Variants in EYA1 observed in about 807,000 individuals in gnomAD.
The protein encoded by EYA1 is protein phosphatase EYA1.
Under a neutral mutation model 82.0 loss-of-function variants are expected in EYA1, and 16 were observed. The ratio of observed to expected loss-of-function variants is 0.20; its 90% CI spans 0.13 to 0.30. The LOEUF is 0.30. Among genes scored for constraint, EYA1 ranks in the 10% least tolerant of loss-of-function variants. EYA1 has a pLI of 1.00. For synonymous variants in EYA1, 261 were observed against 264.4 expected, an observed-to-expected ratio of 0.99 and a Z score of 0.12; for missense variants, 633 against 730.7, an observed-to-expected ratio of 0.87 and a Z score of 1.54.
chr8:71,359,861 G>A (rs1301092626), intron 1 of EYA1, among the ~76,000 whole-genome samples: 1 of 152,062 alleles, frequency 6.6e-6, no homozygotes, highest in Non-Finnish European at 1.5e-5. Context: ...AAATTTGAAA[G>A]ACAATGGCAA....
At chr8:71,283,569 T>TG (rs1184340867) in intron 9 of EYA1, among the ~76,000 whole-genome samples, 3 of 152,110 alleles carry the variant, frequency 2.0e-5, no homozygotes, top group African/African-American at 7.2e-5. Context: ...GGAGCATCTC[T>TG]GGTTCACACA....
chr8:71,531,265 C>T (rs995215550), intron 2 of EYA1: 1 of 152,112 alleles, frequency 6.6e-6, no homozygotes, highest in South Asian at 2.1e-4. Flanking sequence ...ACTTGACCTA[C>T]AAAATTGTGA....
At chr8:71,542,711 C>A (rs1815243562) in intron 1 of EYA1, among the ~76,000 whole-genome samples, 1 of 152,178 alleles carries the variant, frequency 6.6e-6, no homozygotes, top group East Asian at 1.9e-4. Flanking sequence ...TTCTCTGCAA[C>A]CTCACCAGCA....
chr8:71,215,564 A>G (rs1184501341), intron 15 of EYA1, 50 bp downstream of exon 15: 1 of 1,610,204 alleles, frequency 6.2e-7, no homozygotes, highest in Non-Finnish European at 8.5e-7. Flanking sequence ...CAAAATGAAC[A>G]AGCACGAGCA....
chr8:71,338,836 T>A (rs1824798543), intron 3 of EYA1, among the ~76,000 whole-genome samples: 1 of 152,190 alleles, frequency 6.6e-6, no homozygotes, highest in Admixed American at 6.5e-5. Flanking sequence ...CTGCAGGCCC[T>A]CCCCAGCAGC....
At chr8:71,298,127 A>G (rs537902165) in intron 9 of EYA1, among the ~76,000 whole-genome samples, 1 of 152,276 alleles carries the variant, frequency 6.6e-6, no homozygotes, top group African/African-American at 2.4e-5. Flanking sequence ...ATTATACAGA[A>G]CTTTTTTTCA....
chr8:71,445,713 A>G (rs1358646070), intron 2 of EYA1, among the ~76,000 whole-genome samples: 2 of 152,124 alleles, frequency 1.3e-5, no homozygotes, highest in Admixed American at 6.6e-5. Context: ...ATCTCGGCTC[A>G]CTGCCAGCTC....
intron 9 of EYA1, among the ~76,000 whole-genome samples, chr8:71,283,807 G>A (rs1818085823): frequency 1.3e-5 from 2 of 152,112 alleles, no homozygotes; most frequent in African/African-American, 4.8e-5. Flanking sequence ...ACTTGAGGCT[G>A]GGGTCAGGGT....
chr8:71,450,699 A>G (rs1163575524), intron 2 of EYA1, among the ~76,000 whole-genome samples: 1 of 152,192 alleles, frequency 6.6e-6, no homozygotes, highest in Non-Finnish European at 1.5e-5. Flanking sequence ...ATTCATAAAA[A>G]CTGTACTATC....
chr8:71,409,084 C>A (rs1336609625), intron 2 of EYA1, among the ~76,000 whole-genome samples: 84 of 104,220 alleles, frequency 8.1e-4, no homozygotes, highest in African/African-American at 3.7e-3. Context: ...CAAAGCCGCT[C>A]AACTACATGG....
intron 2 of EYA1, among the ~76,000 whole-genome samples, chr8:71,385,641 T>C (rs1828933417): frequency 6.6e-6 from 1 of 152,164 alleles, no homozygotes; most frequent in Non-Finnish European, 1.5e-5. Context: ...AAATTGAGGC[T>C]CAGAGTGAGA....
chr8:71,394,595 T>C (rs1025946106), intron 2 of EYA1, among the ~76,000 whole-genome samples: 9 of 152,160 alleles, frequency 5.9e-5, no homozygotes, highest in Non-Finnish European at 8.8e-5. Context: ...AAAGATAAGA[T>C]GGTTGTAGAT....
At chr8:71,544,144 C>A (rs539225070) in intron 1 of EYA1, among the ~76,000 whole-genome samples, 1 of 152,288 alleles carries the variant, frequency 6.6e-6, no homozygotes, top group East Asian at 1.9e-4. Context: ...TCTTTCCTTT[C>A]CTTAAAACCA....
At chr8:71,338,757 T>G (rs1728561495) in intron 3 of EYA1, among the ~76,000 whole-genome samples, 1 of 152,240 alleles carries the variant, frequency 6.6e-6, no homozygotes, top group African/African-American at 2.4e-5. Flanking sequence ...CCTGCTGGAC[T>G]AGGAGCCAGC....
intron 2 of EYA1, among the ~76,000 whole-genome samples, chr8:71,520,695 A>G (rs2129269635): frequency 6.6e-6 from 1 of 152,308 alleles, no homozygotes; most frequent in African/African-American, 2.4e-5. Flanking sequence ...GTTCAGCTTG[A>G]GTGAGCTGAT....
rs993329088 is a variant in EYA1, at chr8:71,217,116, A to T, written c.1141-93T>A. On this transcript the variant is annotated intron_variant, in intron 12 of 17. Coordinates refer to ENST00000340726, the MANE Select transcript of EYA1 (RefSeq NM_000503.6). ...AAAAACCATACATATTTTTTAAAGC[A>T]CCTTAATTGGAGGATTTTTCAACTA... 6.5e-6 allele frequency: 6 copies of T among 927,220 alleles called. No homozygotes were observed. The African/African-American group carries it at 9.9e-5, about 15-fold the overall frequency. The allele number at this position is 927,220 out of a possible 1,614,324, so 57.4% of individuals were successfully genotyped here. A position where few individuals can be genotyped will look rare whatever the true frequency, so the allele number is the denominator to read the frequency against.
chr8:71,454,606 T>A (rs1807717107), intron 2 of EYA1, among the ~76,000 whole-genome samples: 1 of 152,102 alleles, frequency 6.6e-6, no homozygotes, highest in African/African-American at 2.4e-5. Context: ...GAACTCAGGG[T>A]TAAGAAACTC....
intron 7 of EYA1, among the ~76,000 whole-genome samples, chr8:71,305,834 AT>A (rs1238778582): frequency 1.3e-5 from 2 of 151,986 alleles, no homozygotes; most frequent in East Asian, 3.9e-4. Context: ...AAAGTTGATT[AT>A]TTTTATATTC....
chr8:71,368,423 T>TC (rs985489227), intron 2 of EYA1, among the ~76,000 whole-genome samples: 9 of 152,002 alleles, frequency 5.9e-5, no homozygotes, highest in African/African-American at 2.2e-4. Flanking sequence ...AGGAGGATCT[T>TC]CCCTGCTTGT....
Sources: gnomAD v4.1 joint callset for allele counts (sites outside exome capture counted in the v4.1 genomes callset) on GRCh38, gnomAD v4.1.1 for gene constraint, MANE v1.5 for transcripts, NCBI Gene and HGNC (gene_info 2026-07-23, HGNC 2026-07-21) for gene names.